AKAP9: variants seen among roughly 807,000 people sequenced by gnomAD.
AKAP9 encodes A-kinase anchoring protein 9.
AKAP9 carries 311 observed loss-of-function variants against 488.5 expected under a neutral mutation model. The observed-to-expected ratio is 0.64, with a 90% CI of 0.58 to 0.70. The LOEUF is 0.70. Among genes scored for constraint, AKAP9 ranks in the 30% least tolerant of loss-of-function variants. AKAP9 has a pLI of 0.00. For synonymous variants in AKAP9, 1,462 were observed against 1,483.5 expected, an observed-to-expected ratio of 0.99 and a Z score of 0.33; for missense variants, 4,215 against 4,374.5, an observed-to-expected ratio of 0.96 and a Z score of 1.03.
chr7:91,993,205 T>C (rs78352120), intron 5 of AKAP9, 150 bp downstream of exon 5: 16 of 821,172 alleles, frequency 1.9e-5, no homozygotes, highest in Non-Finnish European at 2.6e-5. Context: ...TTTTTTTTTT[T>C]CCATACAGGG....
chr7:92,077,092 C>CTT lies in AKAP9; in HGVS notation c.6765+87_6765+88dup, dbSNP rs201649179. 8.6e-3 allele frequency: 2,572 copies of CTT among 299,432 alleles called. 48 individuals carry two copies. The highest frequency in any genetic ancestry group is 0.012 in the Middle Eastern group (9 of 760). The allele number at this position is 299,432 out of a possible 1,614,324, so 18.5% of individuals were successfully genotyped here. A position where few individuals can be genotyped will look rare whatever the true frequency, so the allele number is the denominator to read the frequency against. On this transcript the variant is annotated intron_variant, in intron 29 of 49. Transcript: ENST00000356239. ...TTTATTATTATTATTATTATTATTT[C>CTT]TTTCTTTTTTTTTTTTTTTTTGAGA...
chr7:92,029,827 T>G, intron 14 of AKAP9, 68 bp from the exon 15 acceptor site: 1 of 1,277,590 alleles, frequency 7.8e-7, no homozygotes, highest in Non-Finnish European at 1.1e-6. Flanking sequence ...ATGTGTGGTG[T>G]AGATTTTGCA....
chr7:92,061,122 A>G (rs1809701926), intron 22 of AKAP9, 138 bp from the exon 23 acceptor site: 3 of 990,354 alleles, frequency 3.0e-6, no homozygotes, highest in Admixed American at 2.1e-5. Flanking sequence ...CTTAGCATAC[A>G]CTGGCAATAT....
chr7:92,051,895 T>TA (rs1300049367), intron 21 of AKAP9, among the ~76,000 whole-genome samples: 2 of 152,212 alleles, frequency 1.3e-5, no homozygotes, highest in Non-Finnish European at 2.9e-5. Flanking sequence ...AAGGAGTATT[T>TA]AATGGCAGTG....
intron 18 of AKAP9, 54 bp downstream of exon 18, chr7:92,040,952 C>G: frequency 7.1e-7 from 1 of 1,407,016 alleles, no homozygotes. Context: ...TTCCAAACAC[C>G]AACTTGAACC....
intron 1 of AKAP9, among the ~76,000 whole-genome samples, chr7:91,942,735 T>C (rs1790931350): frequency 1.3e-5 from 2 of 152,230 alleles, no homozygotes. Flanking sequence ...TTGTAGTTGA[T>C]GTGGCAAAAT....
chr7:91,986,341 C>T (rs1797084355), intron 3 of AKAP9, among the ~76,000 whole-genome samples: 1 of 152,204 alleles, frequency 6.6e-6, no homozygotes. Context: ...CCTCCAACCC[C>T]TTACTCTTCC....
intron 20 of AKAP9, among the ~76,000 whole-genome samples, chr7:92,044,656 C>T (rs577147365): frequency 1.6e-3 from 237 of 152,200 alleles, no homozygotes; most frequent in African/African-American, 5.5e-3. Flanking sequence ...TTTGGCACTA[C>T]CATACTTTTT....
intron 39 of AKAP9, 66 bp from the exon 40 acceptor site, chr7:92,094,957 T>TTC: frequency 6.7e-7 from 1 of 1,492,854 alleles, no homozygotes; most frequent in Non-Finnish European, 9.3e-7. Context: ...GAAGCTGTTT[T>TTC]TCTCTCTCTC....
chr7:92,084,545 G>T, intron 33 of AKAP9, 95 bp from the exon 34 acceptor site: 1 of 860,496 alleles, frequency 1.2e-6, no homozygotes, highest in Non-Finnish European at 1.8e-6. Flanking sequence ...TGACAGATTT[G>T]ATTGATTACA....
chr7:91,994,772 A>C lies in AKAP9; in HGVS notation c.728A>C (p.Gln243Pro), dbSNP rs983998081. The C allele has an allele frequency of 6.2e-7, 1 of 1,610,850 alleles. No individual in the cohort carries two copies. The highest frequency in any genetic ancestry group is 8.5e-7 in the Non-Finnish European group (1 of 1,178,452). The change falls in exon 6 of 50, where the codon CAG becomes CCG. Residue 243 changes from glutamine to proline, a missense_variant. By Grantham distance (76) the Gln-to-Pro change is moderately conservative (BLOSUM62 -1). Around this residue, in one of 5 missense-constraint regions of AKAP9, gnomAD observed 2,361 missense variants for 2,430.0 expected, o/e 0.97. Coordinates refer to ENST00000356239, the MANE Select transcript of AKAP9 (RefSeq NM_005751.5). ...AGTCAAAAATTACAGATTCAATTTCAGCAAGTAAGTATTACTAATGCAACA... is the reference window on the plus strand; with the variant it reads ...AGTCAAAAATTACAGATTCAATTTCCGCAAGTAAGTATTACTAATGCAACA... ...EQSQKLQIQF[Q>P]QLQASETLRN...
In AKAP9 at chr7:92,078,935, A is replaced by T. The variant is rs1462684111; in HGVS notation, c.6946-144A>T. 7.1e-6 allele frequency: 4 copies of T among 564,712 alleles called. No individual in the cohort carries two copies. The East Asian group carries it at 1.2e-4, about 17-fold the overall frequency. 35.0% of individuals were successfully genotyped at this position (564,712 alleles called of 1,614,324 possible). On this transcript the variant is annotated intron_variant, in intron 30 of 49. Transcript: ENST00000356239. ...ATGATGGGGGAGATATTGGTCTATAATGAAATTAAGTAGTATGTCTGAGAA... is the reference window on the plus strand; with the variant it reads ...ATGATGGGGGAGATATTGGTCTATATTGAAATTAAGTAGTATGTCTGAGAA...
At chr7:91,983,722 C>T (rs1359958543) in intron 3 of AKAP9, among the ~76,000 whole-genome samples, 1 of 152,184 alleles carries the variant, frequency 6.6e-6, no homozygotes, top group Non-Finnish European at 1.5e-5. Flanking sequence ...AACTGTCTTC[C>T]ACAATGGTTG....
chr7:92,048,647 C>G (rs934548746), intron 21 of AKAP9, among the ~76,000 whole-genome samples: 2 of 152,216 alleles, frequency 1.3e-5, no homozygotes, highest in African/African-American at 4.8e-5. Context: ...TGGCTCATGC[C>G]TGTAATCCCA....
chr7:92,089,641 C>T, intron 38 of AKAP9, 112 bp downstream of exon 38: 1 of 1,175,748 alleles, frequency 8.5e-7, no homozygotes, highest in Non-Finnish European at 1.2e-6. Flanking sequence ...ACATTTTCTT[C>T]TCATTCTCAT....
At chr7:92,051,862 G>T (rs1459869977) in intron 21 of AKAP9, among the ~76,000 whole-genome samples, 1 of 152,214 alleles carries the variant, frequency 6.6e-6, no homozygotes, top group Non-Finnish European at 1.5e-5. Flanking sequence ...AAACTTCACT[G>T]TTGAGTTGTA....
intron 19 of AKAP9, 98 bp from the exon 20 acceptor site, chr7:92,042,569 AT>A: frequency 1.2e-6 from 1 of 843,942 alleles, no homozygotes; most frequent in Non-Finnish European, 1.9e-6. Context: ...AGAGGTTTCT[AT>A]TTTATCTCAT....
intron 1 of AKAP9, 113 bp from the exon 2 acceptor site, chr7:91,973,598 T>G: frequency 8.7e-7 from 1 of 1,146,538 alleles, no homozygotes; most frequent in Non-Finnish European, 1.2e-6. Context: ...TTTTTTCATT[T>G]TTATTTAGTG....
intron 42 of AKAP9, 130 bp downstream of exon 42, chr7:92,097,924 G>A: frequency 1.0e-6 from 1 of 975,954 alleles, no homozygotes; most frequent in South Asian, 1.4e-5. Flanking sequence ...ATTAGGAGGT[G>A]ATATTCTTTA....
Sources: allele counts gnomAD v4.1 joint callset (sites outside exome capture counted in the v4.1 genomes callset), GRCh38; gene constraint gnomAD v4.1.1; regional missense constraint gnomAD v4.1.1; transcripts MANE v1.5; gene names NCBI Gene and HGNC (gene_info 2026-07-23, HGNC 2026-07-21).